The following GPD2 variants were observed in gnomAD, a reference collection of about 807,000 sequenced individuals.
GPD2 encodes glycerol-3-phosphate dehydrogenase, mitochondrial.
GPD2 carries 54 observed loss-of-function variants against 82.4 expected under a neutral mutation model. The ratio of observed to expected loss-of-function variants is 0.66; its 90% CI spans 0.53 to 0.82. The LOEUF is 0.82. Ranked by LOEUF, GPD2 falls within the 40% of genes least tolerant of loss-of-function variation. The probability of loss-of-function intolerance (pLI) is 0.00; values close to 1 mark genes in which losing one functional copy is unlikely to be tolerated. For missense variants in GPD2, 748 were observed against 896.2 expected (o/e 0.83, Z 2.11); for synonymous variants, 288 against 306.1 (o/e 0.94, Z 0.62).
chr2:156,515,301 C>T (rs898855161), intron 6 of GPD2, among the ~76,000 whole-genome samples: 1 of 151,134 alleles, frequency 6.6e-6, no homozygotes, highest in East Asian at 1.9e-4. Context: ...ACTTGGGGGG[C>T]TGAGGTGGCT....
intron 9 of GPD2, among the ~76,000 whole-genome samples, chr2:156,559,032 A>G (rs1040645293): frequency 6.6e-6 from 1 of 151,882 alleles, no homozygotes; most frequent in East Asian, 1.9e-4. Flanking sequence ...ATTAGGTTTC[A>G]TGTCTTATTA....
chr2:156,474,366 C>T (rs1166877917), intron 1 of GPD2, among the ~76,000 whole-genome samples: 5 of 151,926 alleles, frequency 3.3e-5, no homozygotes, highest in East Asian at 1.9e-4. Flanking sequence ...AATATTTAAC[C>T]GTATCATAAT....
At chr2:156,459,686 C>CAAAAAAGAAAAA (rs1682917434) in intron 1 of GPD2, among the ~76,000 whole-genome samples, 1 of 38,788 alleles carries the variant, frequency 2.6e-5, no homozygotes, top group African/African-American at 1.0e-4. Context: ...GACTCCGTCT[C>CAAAAAAGAAAAA]AAAAAAAAAA....
chr2:156,423,403 T>C, the GPD2 span, among the ~76,000 whole-genome samples: 10 of 152,190 alleles, frequency 6.6e-5, no homozygotes, highest in Non-Finnish European at 1.3e-4. Flanking sequence ...AAAATGAGCA[T>C]GAGTTCTTTC....
intron 3 of GPD2, among the ~76,000 whole-genome samples, chr2:156,505,884 A>T (rs1447398180): frequency 1.3e-5 from 2 of 152,200 alleles, no homozygotes; most frequent in Non-Finnish European, 2.9e-5. Context: ...TCTTAATTTG[A>T]TTTCAGTAAT....
At chr2:156,504,387 C>T (rs1264063281) in intron 3 of GPD2, among the ~76,000 whole-genome samples, 1 of 151,604 alleles carries the variant, frequency 6.6e-6, no homozygotes, top group African/African-American at 2.4e-5. Flanking sequence ...AAGATAAACT[C>T]ACCTTTAAAA....
At chr2:156,501,135 C>T (rs1282738436) in intron 3 of GPD2, among the ~76,000 whole-genome samples, 1 of 151,560 alleles carries the variant, frequency 6.6e-6, no homozygotes, top group East Asian at 1.9e-4. Flanking sequence ...GGTTTAAAAT[C>T]TGATGTATTT....
intron 6 of GPD2, among the ~76,000 whole-genome samples, chr2:156,522,072 A>G (rs1023789690): frequency 1.3e-5 from 2 of 152,020 alleles, no homozygotes; most frequent in African/African-American, 4.8e-5. Flanking sequence ...AAAACTTATA[A>G]ATTGTGGCTT....
At chr2:156,480,713 C>T (rs1683695934) in intron 2 of GPD2, among the ~76,000 whole-genome samples, 1 of 151,730 alleles carries the variant, frequency 6.6e-6, no homozygotes, top group African/African-American at 2.4e-5. Flanking sequence ...ATTTTTTTCC[C>T]CCCTGCACCA....
At chr2:156,467,993 T>C (rs1573898921) in intron 1 of GPD2, among the ~76,000 whole-genome samples, 1 of 152,080 alleles carries the variant, frequency 6.6e-6, no homozygotes, top group East Asian at 1.9e-4. Context: ...AAGTAAAACT[T>C]GGGGAAAGAG....
the GPD2 span, among the ~76,000 whole-genome samples, chr2:156,401,856 G>C: frequency 6.6e-6 from 1 of 152,036 alleles, no homozygotes; most frequent in African/African-American, 2.4e-5. Context: ...AAAAGATATA[G>C]GAGGGGAAAA....
intron 2 of GPD2, among the ~76,000 whole-genome samples, chr2:156,478,931 A>G (rs949783875): frequency 1.3e-5 from 2 of 152,162 alleles, no homozygotes; most frequent in African/African-American, 4.8e-5. Flanking sequence ...AGAGCCACCT[A>G]TTGACTTTGG....
chr2:156,450,682 T>TTTTTTTTTA (rs3055086), intron 1 of GPD2, among the ~76,000 whole-genome samples: 2 of 112,448 alleles, frequency 1.8e-5, no homozygotes, highest in Admixed American at 1.0e-4. Context: ...TTTTTTTTTT[T>TTTTTTTTTA]ATTGCTCATT....
At chr2:156,451,071 A>G (rs1175227379) in intron 1 of GPD2, among the ~76,000 whole-genome samples, 1 of 146,784 alleles carries the variant, frequency 6.8e-6, no homozygotes, top group African/African-American at 2.5e-5. Context: ...TTCTTTCTAC[A>G]CAGACACGGC....
chr2:156,528,190 G>A (rs1024095656), intron 6 of GPD2, among the ~76,000 whole-genome samples: 7 of 151,948 alleles, frequency 4.6e-5, no homozygotes, highest in East Asian at 1.9e-4. Flanking sequence ...AATAGTCCAC[G>A]CTAATTGTAA....
At chr2:156,547,053 G>A (rs1686569383) in intron 6 of GPD2, among the ~76,000 whole-genome samples, 2 of 152,162 alleles carry the variant, frequency 1.3e-5, no homozygotes, top group Admixed American at 1.3e-4. Flanking sequence ...CGTGGGAATT[G>A]TACAGTAATT....
Position 156,460,597 on chromosome 2 carries a change from A to G in GPD2, c.-8-15501A>G, listed in dbSNP as rs142297082. 8.0e-3 allele frequency among the ~76,000 whole-genome samples: 1,219 copies of G among 152,304 alleles called. 5 individuals are homozygous for G. Among genetic ancestry groups the G allele is most frequent in the Non-Finnish European group, 0.012 (785 of 68,026 alleles). ...GCGTCAGCCTTTAGAGATGTGACCT[A>G]GGGTTCTTTTCCAATATGGGTCCAA... On this transcript the variant is annotated intron_variant, in intron 1 of 16. Transcript: ENST00000438166.
chr2:156,514,526 T>C (rs899715768), intron 6 of GPD2, among the ~76,000 whole-genome samples: 3 of 152,106 alleles, frequency 2.0e-5, no homozygotes, highest in Non-Finnish European at 4.4e-5. Context: ...TACTGAATAC[T>C]ATGGGATGTC....
chr2:156,514,767 ACCACAGGGGGG>A (rs1225160580), intron 6 of GPD2, among the ~76,000 whole-genome samples: 2 of 152,198 alleles, frequency 1.3e-5, no homozygotes, highest in Non-Finnish European at 2.9e-5. Context: ...GCATCTGAAC[ACCACAGGGGGG>A]CCACTTAACT....
Sources: gnomAD v4.1 joint callset for allele counts (sites outside exome capture counted in the v4.1 genomes callset) on GRCh38, gnomAD v4.1.1 for gene constraint, MANE v1.5 for transcripts, NCBI Gene and HGNC (gene_info 2026-07-23, HGNC 2026-07-21) for gene names.